The following QSOX2 variants were observed in gnomAD, a reference collection of about 807,000 sequenced individuals.
QSOX2 encodes sulfhydryl oxidase 2.
In QSOX2, 46 loss-of-function variants were observed where a neutral mutation model predicts 61.7. The ratio of observed to expected loss-of-function variants is 0.75; its 90% CI spans 0.59 to 0.95. QSOX2 has a LOEUF of 0.95. Ranked by LOEUF, QSOX2 falls within the 40% of genes least tolerant of loss-of-function variation. QSOX2 has a pLI of 0.00. For missense variants in QSOX2, 879 were observed against 918.9 expected (o/e 0.96, Z 0.56); for synonymous variants, 383 against 388.4 (o/e 0.99, Z 0.16).
Position 136,224,099 on chromosome 9 carries a change from C to T in QSOX2, c.492G>A (p.Glu164=), listed in dbSNP as rs202096445. The part of the protein sequence containing the change: ...TGENFKGPDR[E]LRTVRQTMID... ...TCATCGTCTGTCTGACTGTTCGCAG[C>T]TCTCGGTCAGGTCCTGCCGGAAGCA... Residue 164 remains glutamate (E), a synonymous_variant, in exon 4 of 12, where the codon GAG becomes GAA. Coordinates refer to ENST00000358701, the MANE Select transcript of QSOX2 (RefSeq NM_181701.4). 749 of 1,613,938 alleles carry T rather than the reference C, an allele frequency of 4.6e-4. No homozygotes were observed. The highest frequency in any genetic ancestry group is 5.3e-4 in the Non-Finnish European group (629 of 1,179,962).
intron 1 of QSOX2, among the ~76,000 whole-genome samples, chr9:136,235,006 G>C (rs983439588): frequency 6.6e-6 from 1 of 151,866 alleles, no homozygotes. Context: ...TACCCTGACC[G>C]CTGTTCAACT....
chr9:136,212,621 C>T (rs1034361926), intron 10 of QSOX2, among the ~76,000 whole-genome samples: 31 of 152,260 alleles, frequency 2.0e-4, no homozygotes, highest in African/African-American at 6.5e-4. Flanking sequence ...GGCGCTGGCC[C>T]TGTGACCCGG....
In QSOX2 at chr9:136,234,628, G is replaced by A. The variant is rs528535739; in HGVS notation, c.329-7754C>T. On this transcript the variant is annotated intron_variant, in intron 1 of 11. Transcript: ENST00000358701. ...CTGGCACCCAGGAACCTTCCTGGGC[G>A]TGAGGCTGCTGTCACTAAGACCTCT... Among the ~76,000 whole-genome samples the A allele has an allele frequency of 9.8e-5, 15 of 152,330 alleles. No homozygotes were observed. The South Asian group carries it at 1.4e-3, about 15-fold the overall frequency.
intron 1 of QSOX2, among the ~76,000 whole-genome samples, chr9:136,233,567 C>A (rs995429279): frequency 6.6e-6 from 1 of 152,214 alleles, no homozygotes; most frequent in Non-Finnish European, 1.5e-5. Context: ...GCTGTCGAGC[C>A]CACACAAACT....
rs1009915764 is a variant in QSOX2, at chr9:136,222,766, G to A, written c.676-825C>T. ...AGGGGAGCGTGCCCGGCACCAAGAC[G>A]GTCCCACACCCGCCTCTTCTCAGGG... On this transcript the variant is annotated intron_variant, in intron 5 of 11. Transcript: ENST00000358701. This position sits in a 1 kb window ranked among gnomAD's most constrained non-coding sequence, Gnocchi z 6.9. 6.6e-5 allele frequency among the ~76,000 whole-genome samples: 10 copies of A among 152,276 alleles called. No homozygotes were observed. In the South Asian group the frequency reaches 1.4e-3, roughly 22 times the overall value.
intron 1 of QSOX2, among the ~76,000 whole-genome samples, chr9:136,235,635 G>A (rs771087338): frequency 9.8e-5 from 15 of 152,334 alleles, no homozygotes; most frequent in Non-Finnish European, 1.5e-4. Flanking sequence ...GAAGGAAGAC[G>A]GTGGCCAGTG....
Position 136,209,851 on chromosome 9 carries a change from C to T in QSOX2, c.1550-576G>A. 2 of 985,400 alleles carry T rather than the reference C, an allele frequency of 2.0e-6. No individual in the cohort carries two copies. The highest frequency in any genetic ancestry group is 2.4e-6 in the Non-Finnish European group (2 of 829,918). The allele number at this position is 985,400 out of a possible 1,614,324, so 61.0% of individuals were successfully genotyped here. ...TCCGGACTACAAATCCCTTCAAGAT[C>T]TCCAAAACTCGTTTCTGAAGTGACA... On this transcript the variant is annotated intron_variant, in intron 11 of 11. Coordinates refer to ENST00000358701, the MANE Select transcript of QSOX2 (RefSeq NM_181701.4). This position sits in a 1 kb window ranked among gnomAD's most constrained non-coding sequence, Gnocchi z 5.6.
rs545843054 is a variant in QSOX2, at chr9:136,222,116, C to T, written c.676-175G>A. 2.0e-5 allele frequency among the ~76,000 whole-genome samples: 3 copies of T among 152,274 alleles called. No homozygotes were observed. The highest frequency in any genetic ancestry group is 2.1e-4 in the South Asian group (1 of 4,828). On this transcript the variant is annotated intron_variant, in intron 5 of 11. Transcript: ENST00000358701. This position sits in a 1 kb window ranked among gnomAD's most constrained non-coding sequence, Gnocchi z 6.9. ...TCTCATTGCACTTTAAGGCAACTGACGGCACACACGCCATGAGCAGAAACC... is the reference window on the plus strand; with the variant it reads ...TCTCATTGCACTTTAAGGCAACTGATGGCACACACGCCATGAGCAGAAACC...
chr9:136,213,444 G>A (rs1831872470), intron 10 of QSOX2, among the ~76,000 whole-genome samples: 2 of 151,822 alleles, frequency 1.3e-5, no homozygotes, highest in Non-Finnish European at 2.9e-5. Context: ...ATTAGATCAG[G>A]CAGTGTGGAT....
intron 1 of QSOX2, among the ~76,000 whole-genome samples, chr9:136,227,731 T>C (rs2131061137): frequency 6.6e-6 from 1 of 152,208 alleles, no homozygotes; most frequent in East Asian, 1.9e-4. Flanking sequence ...TCCCAGCACT[T>C]TGGGAGGCCG....
At chr9:136,226,363 T>C (rs1830280740) in intron 2 of QSOX2, among the ~76,000 whole-genome samples, 1 of 152,176 alleles carries the variant, frequency 6.6e-6, no homozygotes, top group South Asian at 2.1e-4. Context: ...CCTGTGCCTG[T>C]GTGTGCGTGT....
chr9:136,209,380 C>G lies in QSOX2; in HGVS notation c.1550-105G>C. The G allele has an allele frequency of 2.0e-6, 3 of 1,528,052 alleles. No individual in the cohort carries two copies. Among genetic ancestry groups the G allele is most frequent in the Non-Finnish European group, 1.8e-6 (2 of 1,139,512 alleles). 94.7% of individuals were successfully genotyped at this position (1,528,052 alleles called of 1,614,324 possible). A position where few individuals can be genotyped will look rare whatever the true frequency, so the allele number is the denominator to read the frequency against. On this transcript the variant is annotated intron_variant, in intron 11 of 11. Transcript: ENST00000358701. The surrounding 1 kb of genome is among the most constrained non-coding windows in gnomAD (Gnocchi z 5.6). ...CACTCCCACCCACCACGGGCCTCCA[C>G]TGCCCTGGCCCAGGGTCCTGCCAGG...
At position 136,226,775 on chromosome 9, in the gene QSOX2, C is replaced by T. The variant is rs146612471; in HGVS notation, c.428G>A (p.Arg143Gln). The T allele has an allele frequency of 3.7e-6, 6 of 1,612,756 alleles. No homozygotes were observed. The highest frequency in any genetic ancestry group is 5.1e-6 in the Non-Finnish European group (6 of 1,178,894). Residue 143 changes from arginine (R) to glutamine (Q), a missense_variant and splice_region_variant, in exon 2 of 12, where the codon CGG (arginine) becomes CAG (glutamine). Coordinates refer to ENST00000358701, the MANE Select transcript of QSOX2 (RefSeq NM_181701.4). ...GACAAGCAGCCGCGTGATACTCACC[C>T]GGAAGGTGGGGTAGAAGTGGATGTC... ...DYDIHFYPTF[R>Q]YFKAFTKEFT... is the part of the protein sequence containing the mutation.
At chr9:136,231,369 C>G (rs988206493) in intron 1 of QSOX2, among the ~76,000 whole-genome samples, 1 of 152,266 alleles carries the variant, frequency 6.6e-6, no homozygotes, top group Non-Finnish European at 1.5e-5. Flanking sequence ...CGCCCTGAGG[C>G]AAACACCTGT....
At chr9:136,224,763 G>C in intron 3 of QSOX2, 98 bp downstream of exon 3, 1 of 711,488 alleles carries the variant, frequency 1.4e-6, no homozygotes, top group Non-Finnish European at 2.3e-6. Context: ...GAAAGGTGCT[G>C]ACCCAGGCTG....
rs527961555 is a variant in QSOX2 at position 136,218,165 on chromosome 9, C to T, written c.1086+514G>A. On this transcript the variant is annotated intron_variant, in intron 8 of 11. Transcript: ENST00000358701. ...AGCTCTGTTGGGTGGCATCTCTGCC[C>T]GCTCCTGGCGACCCCCTCAGTGGTC... 1.3e-4 allele frequency among the ~76,000 whole-genome samples: 20 copies of T among 152,324 alleles called. 1 individual carries two copies. The highest frequency in any genetic ancestry group is 4.6e-4 in the African/African-American group (19 of 41,574).
intron 1 of QSOX2, among the ~76,000 whole-genome samples, chr9:136,233,816 C>T (rs1005123486): frequency 2.6e-5 from 4 of 152,230 alleles, no homozygotes; most frequent in African/African-American, 4.8e-5. Context: ...ACACTCGAGA[C>T]GGTTTTTGCT....
intron 11 of QSOX2, chr9:136,210,215 C>G: frequency 1.0e-6 from 1 of 985,342 alleles, no homozygotes; most frequent in Non-Finnish European, 1.2e-6. Context: ...AGGCGCCAGC[C>G]CTGGGCAGAA....
rs1830461688 is a variant in QSOX2 at position 136,245,237 on chromosome 9, C to G, written c.328+239G>C. Among the ~76,000 whole-genome samples, 19 of 152,194 alleles carry G rather than the reference C, an allele frequency of 1.2e-4. 1 individual carries two copies. The highest frequency in any genetic ancestry group is 1.2e-3 in the Admixed American group (18 of 15,286). ...TTTGACTTCAGACAGCCCAACTCGT[C>G]AGGATCTAACGGGGATTAACTGGGA... is the stretch of plus-strand genomic sequence containing the variant. On this transcript the variant is annotated intron_variant, in intron 1 of 11. Transcript: ENST00000358701.
Sources: gnomAD v4.1 joint callset for allele counts (sites outside exome capture counted in the v4.1 genomes callset) on GRCh38, gnomAD v4.1.1 for gene constraint, Gnocchi (gnomAD v3.1) non-coding constraint, MANE v1.5 for transcripts, NCBI Gene and HGNC (gene_info 2026-07-23, HGNC 2026-07-21) for gene names.